PAFAH1B1: variants seen among roughly 807,000 people sequenced by gnomAD.
PAFAH1B1 encodes the protein platelet-activating factor acetylhydrolase IB subunit beta.
A neutral mutation model predicts 57.5 loss-of-function variants in PAFAH1B1; 2 were observed. The ratio of observed to expected loss-of-function variants is 0.03; its 90% CI spans 0.01 to 0.11. PAFAH1B1 has a LOEUF of 0.11. Ranked by LOEUF, PAFAH1B1 falls within the 10% of genes least tolerant of loss-of-function variation. The probability of loss-of-function intolerance (pLI) is 1.00; values close to 1 mark genes in which losing one functional copy is unlikely to be tolerated. For missense variants in PAFAH1B1, 257 were observed against 512.0 expected, an observed-to-expected ratio of 0.50 and a Z score of 4.81; for synonymous variants, 152 against 169.6, an observed-to-expected ratio of 0.90 and a Z score of 0.81.
At chr17:2,664,694 T>TCTCTCTCTCTCTCTCTCTCTCTCTCTCTC (rs1567554200) in intron 2 of PAFAH1B1, among the ~76,000 whole-genome samples, 2 of 114,532 alleles carry the variant, frequency 1.7e-5, no homozygotes, top group African/African-American at 3.0e-5. Flanking sequence ...CTCTCTCTCT[T>TCTCTCTCTCTCTCTCTCTCTCTCTCTCTC]TCTCTCTCCA....
In PAFAH1B1 at chr17:2,674,936, T is replaced by TA. The variant is rs1272880265; in HGVS notation, c.900+651dup. 2.0e-5 allele frequency among the ~76,000 whole-genome samples: 3 copies of TA among 152,310 alleles called. No individual in the cohort carries two copies. In the East Asian group the frequency reaches 5.8e-4, roughly 29 times the overall value. On this transcript the variant is annotated intron_variant, in intron 8 of 10. Transcript: ENST00000397195. ...AAGAGGATCACTTGTGTCCAGAAGT[T>TA]AAAGTTCAGCCTGGGACAACATAGC...
chr17:2,608,482 A>G (rs1166329569), intron 1 of PAFAH1B1, among the ~76,000 whole-genome samples: 2 of 152,162 alleles, frequency 1.3e-5, no homozygotes, highest in Non-Finnish European at 2.9e-5. Context: ...GAACATAAGG[A>G]AGGTGTTTGC....
At chr17:2,679,487 TGG>T (rs2069335201) in intron 9 of PAFAH1B1, among the ~76,000 whole-genome samples, 2 of 145,542 alleles carry the variant, frequency 1.4e-5, no homozygotes, top group Admixed American at 1.4e-4. Context: ...ATTGGATGGA[TGG>T]ATGGATGGAT....
Position 2,669,522 on chromosome 17 carries a change from G to T in PAFAH1B1, c.400-641G>T, listed in dbSNP as rs530260299. Among the ~76,000 whole-genome samples the T allele has an allele frequency of 1.0e-3, 156 of 152,260 alleles. 1 individual carries two copies. Among genetic ancestry groups the T allele is most frequent in the Non-Finnish European group, 1.7e-3 (117 of 68,006 alleles). The stretch of plus-strand genomic sequence containing the variant: ...GGTCCGCCCGCCTTGGCCTTCCTAA[G>T]TGCTGGGATTACAGGCGTGAGCCAC... On this transcript the variant is annotated intron_variant, in intron 5 of 10. Transcript: ENST00000397195.
At chr17:2,672,878 G>A in intron 7 of PAFAH1B1, 121 bp downstream of exon 7, 1 of 707,262 alleles carries the variant, frequency 1.4e-6, no homozygotes, top group Non-Finnish European at 2.6e-6. Flanking sequence ...GACCAGCCTG[G>A]CCAACATGAT....
At chr17:2,619,480 C>T (rs1202138660) in intron 1 of PAFAH1B1, among the ~76,000 whole-genome samples, 1 of 151,562 alleles carries the variant, frequency 6.6e-6, no homozygotes, top group Non-Finnish European at 1.5e-5. Flanking sequence ...CTGCCCACCT[C>T]ACCCTCCCAA....
chr17:2,649,411 A>G (rs1012931379), intron 2 of PAFAH1B1, among the ~76,000 whole-genome samples: 4 of 151,814 alleles, frequency 2.6e-5, no homozygotes, highest in African/African-American at 4.8e-5. Context: ...CATCTCTACT[A>G]AAAATACAAA....
chr17:2,596,296 A>T (rs2068083631), intron 1 of PAFAH1B1, among the ~76,000 whole-genome samples: 1 of 152,238 alleles, frequency 6.6e-6, no homozygotes, highest in Admixed American at 6.5e-5. Flanking sequence ...TTGGCAAGAA[A>T]TAGGGGGTAC....
intron 2 of PAFAH1B1, among the ~76,000 whole-genome samples, chr17:2,645,053 C>T (rs1011119506): frequency 1.3e-5 from 2 of 151,988 alleles, no homozygotes; most frequent in African/African-American, 2.4e-5. Context: ...TCAAGACCAG[C>T]GTGGGCAACC....
At chr17:2,673,980 C>T (rs1448011953) in intron 7 of PAFAH1B1, 80 bp from the exon 8 acceptor site, 3 of 967,996 alleles carry the variant, frequency 3.1e-6, no homozygotes, top group Non-Finnish European at 4.9e-6. Context: ...CTCTTCATCC[C>T]AGTACATATT....
In PAFAH1B1 at chr17:2,683,798, G is replaced by A. The variant is rs1396234198; in HGVS notation, c.*1996G>A. The A allele has an allele frequency of 6.6e-6, 1 of 152,510 alleles. No individual in the cohort carries two copies. The highest frequency in any genetic ancestry group is 2.4e-5 in the African/African-American group (1 of 41,418). 9.4% of individuals were successfully genotyped at this position (152,510 alleles called of 1,614,324 possible). A position where few individuals can be genotyped will look rare whatever the true frequency, so the allele number is the denominator to read the frequency against. ...TACAAAAACTATGGAAAATATCTTT[G>A]TTCTTGTTTGCTGCTATTTTCTGTC... On this transcript the variant is annotated 3_prime_UTR_variant, in exon 11 of 11. Transcript: ENST00000397195.
chr17:2,667,049 C>T lies in PAFAH1B1; in HGVS notation c.250C>T (p.Pro84Ser). 3 of 1,613,912 alleles carry T rather than the reference C, an allele frequency of 1.9e-6. No homozygotes were observed. The highest frequency in any genetic ancestry group is 2.5e-6 in the Non-Finnish European group (3 of 1,179,864). ...EAKEEFTSGG[P>S]LGQKRDPKEW... ...AAAAGAAGAATTTACGTCAGGTGGA[C>T]CTCTTGGTCAGAAACGAGACCCAAA... The change falls in exon 5 of 11, where the codon CCT becomes TCT. Residue 84 changes from proline (P) to serine (S), a missense_variant. By Grantham distance (74) the Pro-to-Ser change is moderately conservative. Transcript: ENST00000397195.
intron 1 of PAFAH1B1, among the ~76,000 whole-genome samples, chr17:2,617,298 T>C (rs910455468): frequency 1.3e-5 from 2 of 152,212 alleles, no homozygotes; most frequent in African/African-American, 4.8e-5. Flanking sequence ...AAGTGGTAGC[T>C]TAATCTTTGG....
intron 2 of PAFAH1B1, among the ~76,000 whole-genome samples, chr17:2,655,431 T>G (rs551660917): frequency 4.3e-4 from 65 of 152,268 alleles, no homozygotes; most frequent in African/African-American, 1.5e-3. Flanking sequence ...CCCAGCACCT[T>G]GGGAGGCCGA....
At chr17:2,650,113 T>G (rs1413104717) in intron 2 of PAFAH1B1, among the ~76,000 whole-genome samples, 1 of 152,212 alleles carries the variant, frequency 6.6e-6, no homozygotes, top group Non-Finnish European at 1.5e-5. Flanking sequence ...GGCCAGGCAC[T>G]GTGGCTTAGG....
chr17:2,602,350 T>A (rs1330594844), intron 1 of PAFAH1B1, among the ~76,000 whole-genome samples: 1 of 151,976 alleles, frequency 6.6e-6, no homozygotes, highest in Non-Finnish European at 1.5e-5. Flanking sequence ...CCCCAAGACA[T>A]CAAATGTCAC....
In PAFAH1B1 at chr17:2,672,736, A is replaced by C; in HGVS notation, c.650A>C (p.Lys217Thr). ...IVSASRDKTIKMWEVQTGYCV... is the reference protein window; with the variant it reads ...IVSASRDKTITMWEVQTGYCV... ...TCTGCCTCAAGGGATAAAACTATAA[A>C]AATGTGGGAAGTGCAAACTGGGTAA... Residue 217 changes from lysine to threonine, a missense_variant, in exon 7 of 11, where the codon AAA becomes ACA. Physicochemically the swap from Lys to Thr is moderately conservative, Grantham distance 78. Coordinates refer to ENST00000397195, the MANE Select transcript of PAFAH1B1 (RefSeq NM_000430.4). The C allele has an allele frequency of 6.2e-7, 1 of 1,610,744 alleles. No individual in the cohort carries two copies. The highest frequency in any genetic ancestry group is 8.5e-7 in the Non-Finnish European group (1 of 1,177,440).
Position 2,654,151 on chromosome 17 carries a change from A to T in PAFAH1B1, c.33-11221A>T, listed in dbSNP as rs144178546. Among the ~76,000 whole-genome samples, 456 of 150,532 alleles carry T rather than the reference A, an allele frequency of 3.0e-3. 1 individual carries two copies. Among genetic ancestry groups the T allele is most frequent in the African/African-American group, 1.0e-2 (408 of 40,930 alleles). ...ATAAACTATTTAATATGCTGCTTCT[A>T]TCCAGCTTACATGTTGAGGTCCCTG... is the stretch of plus-strand genomic sequence containing the variant. On this transcript the variant is annotated intron_variant, in intron 2 of 10. Transcript: ENST00000397195.
intron 1 of PAFAH1B1, among the ~76,000 whole-genome samples, chr17:2,627,823 G>A (rs1276503886): frequency 6.6e-6 from 1 of 152,076 alleles, no homozygotes; most frequent in African/African-American, 2.4e-5. Flanking sequence ...ATATTCCTAA[G>A]TATTTTATTT....
Sources: gnomAD v4.1 joint callset for allele counts (sites outside exome capture counted in the v4.1 genomes callset) on GRCh38, gnomAD v4.1.1 for gene constraint, MANE v1.5 for transcripts, NCBI Gene and HGNC (gene_info 2026-07-23, HGNC 2026-07-21) for gene names.